The following CRYBG1 variants were observed in gnomAD, a reference collection of about 807,000 sequenced individuals.
CRYBG1 encodes the protein crystallin beta-gamma domain containing 1.
In CRYBG1, 139 loss-of-function variants were observed where a neutral mutation model predicts 189.2. The observed-to-expected ratio is 0.73, with a 90% confidence interval of 0.64 to 0.85. The LOEUF is 0.85. Ranked by LOEUF, CRYBG1 falls within the 40% of genes least tolerant of loss-of-function variation. CRYBG1 has a pLI of 0.00. For missense variants in CRYBG1, 2,611 were observed against 2,675.8 expected (o/e 0.98, Z 0.53); for synonymous variants, 1,023 against 1,017.1 (o/e 1.01, Z -0.11).
intron 20 of CRYBG1, among the ~76,000 whole-genome samples, chr6:106,561,913 A>G (rs1288167445): frequency 6.6e-6 from 1 of 152,194 alleles, no homozygotes. Flanking sequence ...TGTGTGCTGC[A>G]CAGTCCATTT....
intron 2 of CRYBG1, among the ~76,000 whole-genome samples, chr6:106,485,705 T>C (rs1485958404): frequency 1.3e-5 from 2 of 152,244 alleles, no homozygotes; most frequent in Admixed American, 1.3e-4. Context: ...ATGTTAAATT[T>C]ATCAACTGCT....
chr6:106,485,514 G>T (rs1772577756), intron 2 of CRYBG1, among the ~76,000 whole-genome samples: 1 of 152,124 alleles, frequency 6.6e-6, no homozygotes, highest in South Asian at 2.1e-4. Flanking sequence ...AATTGCTCTA[G>T]CTAGGACTTC....
chr6:106,489,306 T>C (rs370552274), intron 2 of CRYBG1, among the ~76,000 whole-genome samples: 2 of 152,112 alleles, frequency 1.3e-5, no homozygotes, highest in East Asian at 3.9e-4. Flanking sequence ...TTTGGTTTCT[T>C]TGGGTTAGGG....
chr6:106,396,185 A>AT (rs958969326), intron 1 of CRYBG1, among the ~76,000 whole-genome samples: 14 of 151,998 alleles, frequency 9.2e-5, no homozygotes, highest in African/African-American at 3.1e-4. Flanking sequence ...TGCCAGGGTA[A>AT]TTTTTTTTCC....
At chr6:106,463,086 CA>C in intron 2 of CRYBG1, among the ~76,000 whole-genome samples, 1 of 152,278 alleles carries the variant, frequency 6.6e-6, no homozygotes, top group East Asian at 1.9e-4. Flanking sequence ...CCAGAGAGTT[CA>C]AGGTTGCAGT....
chr6:106,554,309 T>C (rs1244141673), intron 16 of CRYBG1, among the ~76,000 whole-genome samples: 2 of 152,162 alleles, frequency 1.3e-5, no homozygotes, highest in Non-Finnish European at 2.9e-5. Context: ...AGCACTGACT[T>C]TGCATTCAAA....
intron 1 of CRYBG1, among the ~76,000 whole-genome samples, chr6:106,448,618 T>A (rs549718408): frequency 1.3e-5 from 2 of 152,202 alleles, no homozygotes; most frequent in African/African-American, 4.8e-5. Flanking sequence ...TCAAATTCCA[T>A]CTTAAATATG....
intron 2 of CRYBG1, among the ~76,000 whole-genome samples, chr6:106,458,145 T>G (rs185735203): frequency 1.3e-5 from 2 of 152,370 alleles, no homozygotes; most frequent in Non-Finnish European, 2.9e-5. Flanking sequence ...TTAAGTTGTA[T>G]TGTGACTAAA....
chr6:106,415,711 G>A (rs1194968197), intron 1 of CRYBG1, among the ~76,000 whole-genome samples: 1 of 151,952 alleles, frequency 6.6e-6, no homozygotes, highest in Non-Finnish European at 1.5e-5. Flanking sequence ...GGGTGACAGA[G>A]TGAGACCCTG....
intron 21 of CRYBG1, among the ~76,000 whole-genome samples, chr6:106,567,974 T>C (rs1220488999): frequency 6.6e-6 from 1 of 152,208 alleles, no homozygotes; most frequent in Admixed American, 6.5e-5. Flanking sequence ...TTTGACCTAA[T>C]ACAGCCCGTT....
Position 106,521,260 on chromosome 6 carries a change from T to G in CRYBG1, c.4052T>G (p.Leu1351Trp), listed in dbSNP as rs745483795. The G allele has an allele frequency of 2.5e-6, 4 of 1,613,806 alleles. No homozygotes were observed. The Admixed American group carries it at 6.7e-5, about 27-fold the overall frequency. Residue 1351 changes from leucine (L) to tryptophan (W), a missense_variant, in exon 4 of 22, where the codon TTG (leucine) becomes TGG (tryptophan). By Grantham distance (61) the Leu-to-Trp change is moderately conservative (BLOSUM62 -2). This residue lies in a region of CRYBG1 where 1,622 missense variants were observed against 1,735.0 expected (regional missense o/e 0.93). Transcript: ENST00000633556. ...CTGGATTCACGAAGCAACCTACACT[T>G]GCCAGAAACTAAATTTTCTGAATTG... ...EDLDSRSNLHLPETKFSELSK... is the reference protein window; with the variant it reads ...EDLDSRSNLHWPETKFSELSK...
At chr6:106,449,800 A>G (rs1020781567) in intron 1 of CRYBG1, among the ~76,000 whole-genome samples, 1 of 152,234 alleles carries the variant, frequency 6.6e-6, no homozygotes. Context: ...TATATGGCAT[A>G]ATATATTGTC....
At chr6:106,401,717 C>T (rs1301676379) in intron 1 of CRYBG1, among the ~76,000 whole-genome samples, 1 of 119,922 alleles carries the variant, frequency 8.3e-6, no homozygotes, top group Non-Finnish European at 1.7e-5. Context: ...TCATCCATGT[C>T]CCTACAAAGG....
chr6:106,549,669 G>C (rs775325232), intron 13 of CRYBG1, among the ~76,000 whole-genome samples: 3 of 152,104 alleles, frequency 2.0e-5, no homozygotes, highest in Non-Finnish European at 2.9e-5. Context: ...GTGGTAGGGG[G>C]CTGTATTTCC....
chr6:106,478,245 G>T (rs1196907234), intron 2 of CRYBG1, among the ~76,000 whole-genome samples: 1 of 152,188 alleles, frequency 6.6e-6, no homozygotes, highest in Admixed American at 6.5e-5. Context: ...AAAATAATGA[G>T]TGTGTATGTA....
At chr6:106,385,089 C>T (rs935638738) in intron 1 of CRYBG1, among the ~76,000 whole-genome samples, 2 of 152,094 alleles carry the variant, frequency 1.3e-5, no homozygotes, top group African/African-American at 2.4e-5. Context: ...GCAAGTTTTG[C>T]CACTGATTCT....
intron 2 of CRYBG1, among the ~76,000 whole-genome samples, chr6:106,461,973 A>G (rs1304653202): frequency 1.3e-5 from 2 of 152,178 alleles, no homozygotes; most frequent in African/African-American, 4.8e-5. Context: ...CTTCTGAGGC[A>G]TTGATTTGTC....
At chr6:106,461,122 A>C (rs1772001999) in intron 2 of CRYBG1, among the ~76,000 whole-genome samples, 1 of 152,154 alleles carries the variant, frequency 6.6e-6, no homozygotes, top group Admixed American at 6.5e-5. Context: ...CTTGCTCTTA[A>C]CATGAAAAAA....
chr6:106,492,113 C>T (rs1452483558), intron 2 of CRYBG1, among the ~76,000 whole-genome samples: 1 of 152,168 alleles, frequency 6.6e-6, no homozygotes, highest in Non-Finnish European at 1.5e-5. Flanking sequence ...ATCTCTTTCT[C>T]TTTGAACTCT....
Sources: allele counts gnomAD v4.1 joint callset (sites outside exome capture counted in the v4.1 genomes callset), GRCh38; gene constraint gnomAD v4.1.1; regional missense constraint gnomAD v4.1.1; transcripts MANE v1.5; gene names NCBI Gene and HGNC (gene_info 2026-07-23, HGNC 2026-07-21).